UBR1: variants seen among roughly 807,000 people sequenced by gnomAD.
UBR1 encodes ubiquitin protein ligase E3 component n-recognin 1.
A neutral mutation model predicts 242.1 loss-of-function variants in UBR1; 102 were observed. That is an observed-to-expected ratio of 0.42 (90% CI 0.36 to 0.50). The LOEUF is 0.50. UBR1 is among the 20% of genes least tolerant of loss of function. The pLI is 0.01. For missense variants in UBR1, 1,772 were observed against 2,101.8 expected, an observed-to-expected ratio of 0.84 and a Z score of 3.07; for synonymous variants, 675 against 684.8, an observed-to-expected ratio of 0.99 and a Z score of 0.22.
intron 45 of UBR1, among the ~76,000 whole-genome samples, chr15:42,951,313 C>T (rs937553079): frequency 1.3e-5 from 2 of 152,034 alleles, no homozygotes; most frequent in Non-Finnish European, 2.9e-5. Context: ...ACCTCCACCT[C>T]CCAGGTTCAA....
At chr15:42,951,805 T>A (rs1320594724) in intron 45 of UBR1, among the ~76,000 whole-genome samples, 1 of 151,880 alleles carries the variant, frequency 6.6e-6, no homozygotes, top group Non-Finnish European at 1.5e-5. Flanking sequence ...GAGATGGGGG[T>A]CTCGCCTTGC....
rs892281692 is a variant in UBR1, at chr15:43,024,745, C to G, written c.2739+84G>C. On this transcript the variant is annotated intron_variant, in intron 25 of 46. Transcript: ENST00000290650. Reference sequence around the variant, plus strand: ...GTTTCCGGTGCTCTAGATGTGGTTCCAACTGAAGTTAGACCTGAGATCTTC... The same window carrying G: ...GTTTCCGGTGCTCTAGATGTGGTTCGAACTGAAGTTAGACCTGAGATCTTC... 9.5e-6 allele frequency: 15 copies of G among 1,585,152 alleles called. No individual in the cohort carries two copies. The African/African-American group carries it at 2.0e-4, about 21-fold the overall frequency.
chr15:42,996,233 T>G (rs2032636262), intron 33 of UBR1, among the ~76,000 whole-genome samples: 1 of 152,166 alleles, frequency 6.6e-6, no homozygotes, highest in Admixed American at 6.5e-5. Context: ...TGCTATTTCC[T>G]CTTGTATCAT....
intron 42 of UBR1, among the ~76,000 whole-genome samples, chr15:42,963,164 G>A (rs558477976): frequency 1.3e-5 from 2 of 152,036 alleles, no homozygotes; most frequent in Non-Finnish European, 2.9e-5. Context: ...AGAATATTTC[G>A]AGAGAAATGA....
intron 1 of UBR1, among the ~76,000 whole-genome samples, chr15:43,100,869 A>G (rs1185255955): frequency 1.3e-5 from 2 of 152,214 alleles, no homozygotes; most frequent in Non-Finnish European, 2.9e-5. Context: ...GTCACACATG[A>G]TCCTTCCCTT....
At chr15:43,070,366 G>T (rs1228787517) in intron 5 of UBR1, among the ~76,000 whole-genome samples, 1 of 151,550 alleles carries the variant, frequency 6.6e-6, no homozygotes, top group Non-Finnish European at 1.5e-5. Context: ...TTCTTGATCA[G>T]GACAAGAGCT....
chr15:43,046,635 G>A (rs1329742354), intron 14 of UBR1, among the ~76,000 whole-genome samples: 5 of 152,158 alleles, frequency 3.3e-5, no homozygotes, highest in Non-Finnish European at 5.9e-5. Flanking sequence ...CAGAGATGAT[G>A]AGGGAATTTA....
chr15:43,023,117 CCTG>C (rs1328627914), intron 25 of UBR1, among the ~76,000 whole-genome samples: 1 of 152,110 alleles, frequency 6.6e-6, no homozygotes, highest in Non-Finnish European at 1.5e-5. Flanking sequence ...AAGTGATCCT[CCTG>C]CTTCAGCTTC....
intron 12 of UBR1, among the ~76,000 whole-genome samples, chr15:43,051,783 A>C (rs764877631): frequency 1.3e-5 from 2 of 152,166 alleles, no homozygotes; most frequent in African/African-American, 2.4e-5. Context: ...AAGGAAAAGA[A>C]GTCTGTAGAT....
intron 1 of UBR1, among the ~76,000 whole-genome samples, chr15:43,090,898 T>G (rs948138338): frequency 6.6e-6 from 1 of 152,188 alleles, no homozygotes; most frequent in African/African-American, 2.4e-5. Context: ...CCCATTCTAC[T>G]AAACCAAACA....
intron 30 of UBR1, 24 bp from the exon 31 acceptor site, chr15:43,003,954 G>A (rs1169649791): frequency 1.2e-6 from 2 of 1,606,272 alleles, no homozygotes; most frequent in African/African-American, 2.7e-5. Context: ...TAAAAAGGAG[G>A]GAAAAAGAGA....
intron 3 of UBR1, among the ~76,000 whole-genome samples, chr15:43,076,265 G>A (rs1188339485): frequency 6.6e-6 from 1 of 152,120 alleles, no homozygotes; most frequent in Non-Finnish European, 1.5e-5. Context: ...TGCAGACGGA[G>A]TCTCGTTCAC....
intron 3 of UBR1, among the ~76,000 whole-genome samples, chr15:43,082,381 T>G (rs1596136177): frequency 6.6e-6 from 1 of 152,208 alleles, no homozygotes; most frequent in East Asian, 1.9e-4. Context: ...CAAAAGTTGT[T>G]ATGGACTATT....
chr15:43,101,470 A>C (rs2034233715), intron 1 of UBR1, among the ~76,000 whole-genome samples: 3 of 152,138 alleles, frequency 2.0e-5, no homozygotes, highest in African/African-American at 7.2e-5. Flanking sequence ...TGAGACAGGG[A>C]CAACAAAACT....
chr15:43,000,927 G>A (rs1057017022), intron 32 of UBR1, among the ~76,000 whole-genome samples: 2 of 151,810 alleles, frequency 1.3e-5, no homozygotes, highest in Non-Finnish European at 2.9e-5. Flanking sequence ...TCCACCTCCC[G>A]GGTTCAAGCA....
intron 2 of UBR1, among the ~76,000 whole-genome samples, chr15:43,083,091 A>G (rs2033991229): frequency 6.6e-6 from 1 of 152,236 alleles, no homozygotes; most frequent in Non-Finnish European, 1.5e-5. Flanking sequence ...ATATTTTACA[A>G]AAGCTGATTG....
intron 44 of UBR1, among the ~76,000 whole-genome samples, chr15:42,953,881 CTTTTTTTTT>C (rs542646568): frequency 1.5e-5 from 2 of 132,758 alleles, no homozygotes. Flanking sequence ...ACTTGATATT[CTTTTTTTTT>C]TTTTTTTTTT....
chr15:43,034,344 A>C (rs2033301939), intron 19 of UBR1, among the ~76,000 whole-genome samples: 1 of 151,922 alleles, frequency 6.6e-6, no homozygotes, highest in South Asian at 2.1e-4. Flanking sequence ...CAGGAAGCTG[A>C]GGTAAGAGAA....
chr15:43,044,950 C>CGTT (rs2033465679), intron 14 of UBR1, among the ~76,000 whole-genome samples: 1 of 152,116 alleles, frequency 6.6e-6, no homozygotes, highest in Admixed American at 6.6e-5. Context: ...AAAAAATCCT[C>CGTT]TTTTTGTTTA....
Sources: gnomAD v4.1 joint callset for allele counts (sites outside exome capture counted in the v4.1 genomes callset) on GRCh38, gnomAD v4.1.1 for gene constraint, MANE v1.5 for transcripts, NCBI Gene and HGNC (gene_info 2026-07-23, HGNC 2026-07-21) for gene names.